The following ZNF236 variants were observed in gnomAD, a reference collection of about 807,000 sequenced individuals.
ZNF236 encodes regulated by glucose.
Under a neutral mutation model 191.2 loss-of-function variants are expected in ZNF236, and 50 were observed. That is an observed-to-expected ratio of 0.26 (90% CI 0.21 to 0.33). ZNF236 has a LOEUF of 0.33. Ranked by LOEUF, ZNF236 falls within the 10% of genes least tolerant of loss-of-function variation. ZNF236 has a pLI of 1.00. For synonymous variants in ZNF236, 907 were observed against 928.8 expected (o/e 0.98, Z 0.43); for missense variants, 1,754 against 2,374.5 (o/e 0.74, Z 5.43).
In ZNF236 at chr18:76,920,069, G is replaced by A; in HGVS notation, c.3557+11G>A. 1 of 1,608,274 alleles carries A rather than the reference G, an allele frequency of 6.2e-7. No individual in the cohort carries two copies. The highest frequency in any genetic ancestry group is 8.5e-7 in the Non-Finnish European group (1 of 1,176,924). On this transcript the variant is annotated intron_variant, in intron 20 of 30. Coordinates refer to ENST00000320610, the MANE Select transcript of ZNF236 (RefSeq NM_001306089.2). The stretch of plus-strand genomic sequence containing the variant: ...TAGCGACCTGGTGAGGTGAGGGCAT[G>A]GCTACGCCGCGCGGGTTCCGCTCTG...
At chr18:76,949,123 C>T (rs910435974) in intron 27 of ZNF236, among the ~76,000 whole-genome samples, 7 of 152,184 alleles carry the variant, frequency 4.6e-5, no homozygotes, top group African/African-American at 1.7e-4. Context: ...AGCTCTCTTT[C>T]TCATGATGCT....
chr18:76,860,577 G>T (rs1976188193), intron 3 of ZNF236, among the ~76,000 whole-genome samples: 1 of 152,124 alleles, frequency 6.6e-6, no homozygotes, highest in Non-Finnish European at 1.5e-5. Context: ...TTCAGTCCCT[G>T]CCTCTGCTGT....
At chr18:76,936,037 T>A (rs1021556999) in intron 25 of ZNF236, 24 of 448,690 alleles carry the variant, frequency 5.3e-5, no homozygotes, top group Admixed American at 1.9e-4. Flanking sequence ...GTGGAGGCAT[T>A]GTATTTGGAG....
chr18:76,916,695 G>A (rs1256317983), intron 19 of ZNF236, among the ~76,000 whole-genome samples: 1 of 152,152 alleles, frequency 6.6e-6, no homozygotes, highest in Non-Finnish European at 1.5e-5. Context: ...TTTTAAATCC[G>A]TGTGTGTTCT....
At chr18:76,937,114 T>C in intron 25 of ZNF236, 42 bp from the exon 26 acceptor site, 3 of 1,590,500 alleles carry the variant, frequency 1.9e-6, no homozygotes, top group Non-Finnish European at 2.6e-6. Context: ...CCTGGACTTG[T>C]CTGGCCTTCC....
Position 76,920,043 on chromosome 18 carries a change from C to G in ZNF236, c.3542C>G (p.Pro1181Arg). 1 of 1,612,142 alleles carries G rather than the reference C, an allele frequency of 6.2e-7. No individual in the cohort carries two copies. The highest frequency in any genetic ancestry group is 8.5e-7 in the Non-Finnish European group (1 of 1,179,630). The change falls in exon 20 of 31, where the codon CCT (proline) becomes CGT (arginine). Residue 1181 changes from proline to arginine, a missense_variant. By Grantham distance (103) the Pro-to-Arg change is moderately radical. This residue lies in a region of ZNF236 where 45 missense variants were observed against 137.4 expected (regional missense o/e 0.33). Transcript: ENST00000320610. ...TACTGCCCCAAGAGCTTCAAGAAAC[C>G]TAGCGACCTGGTGAGGTGAGGGCAT... ...CTYCPKSFKKPSDLVRHVRIH... is the reference protein window; with the variant it reads ...CTYCPKSFKKRSDLVRHVRIH...
chr18:76,895,077 C>T lies in ZNF236; in HGVS notation c.1482C>T (p.Arg494=), dbSNP rs1328634303. 1 of 1,611,912 alleles carries T rather than the reference C, an allele frequency of 6.2e-7. No individual in the cohort carries two copies. Among genetic ancestry groups the T allele is most frequent in the Admixed American group, 1.7e-5 (1 of 60,038 alleles). Residue 494 remains arginine, a synonymous_variant, in exon 10 of 31, where the codon CGC becomes CGT. Coordinates refer to ENST00000320610, the MANE Select transcript of ZNF236 (RefSeq NM_001306089.2). The part of the protein sequence containing the change: ...HVCPYCAKEF[R]KPSDLVRHIR... Reference sequence around the variant, plus strand: ...GTCCCTACTGCGCCAAGGAGTTCCGCAAGCCCAGCGACCTGGTCCGCCACA... The same window carrying T: ...GTCCCTACTGCGCCAAGGAGTTCCGTAAGCCCAGCGACCTGGTCCGCCACA...
At chr18:76,890,227 A>G (rs756216682) in intron 9 of ZNF236, among the ~76,000 whole-genome samples, 1 of 152,110 alleles carries the variant, frequency 6.6e-6, no homozygotes, top group Non-Finnish European at 1.5e-5. Flanking sequence ...CTGTTTAGCT[A>G]TTTTTTTCCT....
intron 1 of ZNF236, among the ~76,000 whole-genome samples, chr18:76,836,377 T>C (rs1599314252): frequency 6.7e-6 from 1 of 149,118 alleles, no homozygotes; most frequent in Non-Finnish European, 1.5e-5. Flanking sequence ...CCCACCACCA[T>C]GCCTGGCTAA....
At chr18:76,943,071 C>T (rs1250627538) in intron 26 of ZNF236, among the ~76,000 whole-genome samples, 4 of 135,298 alleles carry the variant, frequency 3.0e-5, no homozygotes, top group Admixed American at 2.5e-4. Context: ...TGTAGTAAGC[C>T]GAGATCGTGC....
intron 26 of ZNF236, among the ~76,000 whole-genome samples, chr18:76,942,597 C>T (rs1337999342): frequency 4.0e-5 from 6 of 151,638 alleles, no homozygotes; most frequent in African/African-American, 7.2e-5. Flanking sequence ...GTGCAAGCTC[C>T]GCTTCCCGGG....
Position 76,915,942 on chromosome 18 carries a change from T to C in ZNF236, c.3274+83T>C, listed in dbSNP as rs1967351628. The C allele has an allele frequency of 1.5e-5, 20 of 1,321,760 alleles. No homozygotes were observed. In the South Asian group the frequency reaches 2.5e-4, roughly 16 times the overall value. The allele number at this position is 1,321,760 out of a possible 1,614,324, so 81.9% of individuals were successfully genotyped here. A position where few individuals can be genotyped will look rare whatever the true frequency, so the allele number is the denominator to read the frequency against. On this transcript the variant is annotated intron_variant, in intron 19 of 30. Transcript: ENST00000320610. The stretch of plus-strand genomic sequence containing the variant: ...CCATTCACAAATCACCGTGAGTATT[T>C]TGACGTGGCTATATATAGATTAGTT...
At position 76,880,597 on chromosome 18, in the gene ZNF236, A is replaced by G. The variant is rs1186323734; in HGVS notation, c.1188+281A>G. 6.6e-6 allele frequency among the ~76,000 whole-genome samples: 1 copy of G among 151,686 alleles called. No homozygotes were observed. The highest frequency in any genetic ancestry group is 1.5e-5 in the Non-Finnish European group (1 of 67,938). ...AAAGAACAGGCTTTTCCGAAGTTGTATCTATTTATGTTGACAGAGGTGGAA... is the reference window on the plus strand; with the variant it reads ...AAAGAACAGGCTTTTCCGAAGTTGTGTCTATTTATGTTGACAGAGGTGGAA... On this transcript the variant is annotated intron_variant, in intron 8 of 30. Coordinates refer to ENST00000320610, the MANE Select transcript of ZNF236 (RefSeq NM_001306089.2). The surrounding 1 kb of genome is among the most constrained non-coding windows in gnomAD (Gnocchi z 5.0).
intron 17 of ZNF236, among the ~76,000 whole-genome samples, chr18:76,913,411 G>C (rs1024651109): frequency 6.6e-6 from 1 of 152,186 alleles, no homozygotes; most frequent in Non-Finnish European, 1.5e-5. Context: ...AAAGAAAAGA[G>C]TGCATACATT....
At chr18:76,889,972 A>C (rs77498677) in intron 9 of ZNF236, among the ~76,000 whole-genome samples, 4,388 of 152,290 alleles carry the variant, frequency 0.029, 203 homozygotes, top group African/African-American at 0.091. Context: ...AAATGCTTGA[A>C]TAGTGTTTCA....
At chr18:76,958,921 C>G (rs1968593371) in intron 28 of ZNF236, among the ~76,000 whole-genome samples, 1 of 152,242 alleles carries the variant, frequency 6.6e-6, no homozygotes, top group Non-Finnish European at 1.5e-5. Context: ...TTCCCTGACT[C>G]CTGCCTTACA....
rs1334420843 is a variant in ZNF236, at chr18:76,919,782, G to T, written c.3281G>T (p.Cys1094Phe). The T allele has an allele frequency of 1.2e-6, 2 of 1,613,728 alleles. No individual in the cohort carries two copies. The highest frequency in any genetic ancestry group is 2.2e-5 in the East Asian group (1 of 44,870). Residue 1094 changes from cysteine (C) to phenylalanine (F), a missense_variant, in exon 20 of 31, where the codon TGT becomes TTT. By Grantham distance (205) the Cys-to-Phe change is radical. This residue lies in a region of ZNF236 where 641 missense variants were observed against 869.6 expected (regional missense o/e 0.74). Coordinates refer to ENST00000320610, the MANE Select transcript of ZNF236 (RefSeq NM_001306089.2). This position sits in a 1 kb window ranked among gnomAD's most constrained non-coding sequence, Gnocchi z 5.3. ...TTTCCTTGATTTTGTGTAGACATTT[G>T]TATGGAGGAAGAGGAAGAACATTCT... ...ATGETEGGDI[C>F]MEEEEEHSDR...
chr18:76,906,745 G>A (rs146115452), intron 13 of ZNF236, among the ~76,000 whole-genome samples: 1 of 152,314 alleles, frequency 6.6e-6, no homozygotes, highest in African/African-American at 2.4e-5. Context: ...GACACATGTA[G>A]GAGATGAATG....
intron 28 of ZNF236, among the ~76,000 whole-genome samples, chr18:76,957,109 G>T (rs1968541406): frequency 6.6e-6 from 1 of 152,204 alleles, no homozygotes; most frequent in Non-Finnish European, 1.5e-5. Flanking sequence ...AAGGAAAGCT[G>T]CACTAAGATG....
Sources: gnomAD v4.1 joint callset for allele counts (sites outside exome capture counted in the v4.1 genomes callset) on GRCh38, gnomAD v4.1.1 for gene constraint, gnomAD v4.1.1 regional missense constraint, Gnocchi (gnomAD v3.1) non-coding constraint, MANE v1.5 for transcripts, NCBI Gene and HGNC (gene_info 2026-07-23, HGNC 2026-07-21) for gene names.